Variants in SLC9C1 observed in about 807,000 individuals in gnomAD.
The protein encoded by SLC9C1 is solute carrier family 9 member C1.
In SLC9C1, 97 loss-of-function variants were observed where a neutral mutation model predicts 140.9. The ratio of observed to expected loss-of-function variants is 0.69; its 90% CI spans 0.58 to 0.82. The LOEUF (loss-of-function observed/expected upper bound fraction) is 0.82, where lower values mean the gene tolerates loss of function less well. SLC9C1 is among the 40% of genes least tolerant of loss of function. SLC9C1 has a pLI of 0.00. For synonymous variants in SLC9C1, 440 were observed against 442.6 expected (o/e 0.99, Z 0.07); for missense variants, 1,340 against 1,389.3 (o/e 0.96, Z 0.56).
At chr3:112,149,042 A>T (rs533354738) in intron 28 of SLC9C1, among the ~76,000 whole-genome samples, 37 of 152,228 alleles carry the variant, frequency 2.4e-4, no homozygotes, top group African/African-American at 8.2e-4. Flanking sequence ...AGATCTCTGC[A>T]CAGGAGGGGT....
intron 26 of SLC9C1, among the ~76,000 whole-genome samples, chr3:112,166,808 T>C (rs928638694): frequency 3.9e-5 from 6 of 152,296 alleles, no homozygotes; most frequent in Middle Eastern, 3.4e-3. Context: ...ATATATGTTA[T>C]GATTAAAGTT....
At chr3:112,145,254 ACAGTTATTGATTTGCTGGATGTTGAAC>A (rs1476613938) in intron 28 of SLC9C1, among the ~76,000 whole-genome samples, 1 of 100,716 alleles carries the variant, frequency 9.9e-6, no homozygotes, top group Non-Finnish European at 2.5e-5. Flanking sequence ...GTGGTGAACC[ACAGTTATTGATTTGCTGGATGTTGAAC>A]CAGTCTTGCA....
intron 16 of SLC9C1, among the ~76,000 whole-genome samples, chr3:112,207,172 A>C (rs1339659502): frequency 6.6e-6 from 1 of 152,202 alleles, no homozygotes; most frequent in Non-Finnish European, 1.5e-5. Context: ...TATTTCAAAA[A>C]AAGGTTTCTT....
intron 20 of SLC9C1, among the ~76,000 whole-genome samples, chr3:112,185,199 T>A (rs929198938): frequency 4.0e-5 from 6 of 151,868 alleles, no homozygotes; most frequent in Admixed American, 6.5e-5. Flanking sequence ...TATAAGGAGA[T>A]AGAGGCTGTC....
rs536615673 is a variant in SLC9C1, at chr3:112,174,571, G to A, written c.2919+4960C>T. Among the ~76,000 whole-genome samples the A allele has an allele frequency of 6.6e-5, 10 of 152,296 alleles. No individual in the cohort carries two copies. In the South Asian group the frequency reaches 1.5e-3, roughly 22 times the overall value. On this transcript the variant is annotated intron_variant, in intron 23 of 28. Transcript: ENST00000305815. The stretch of plus-strand genomic sequence containing the variant: ...TCTGTGCTACTACCAGTGAGTATGC[G>A]CAGTTGTGGATGGAGCAACTGTTCT...
chr3:112,251,750 G>A lies in SLC9C1; in HGVS notation c.1198-7674C>T, dbSNP rs2079464175. ...AGCCATTGTTGCCTTTAGTGCAGCTGCCCTGTGGAAGAGTAGCCAGCTTGC... is the reference window on the plus strand; with the variant it reads ...AGCCATTGTTGCCTTTAGTGCAGCTACCCTGTGGAAGAGTAGCCAGCTTGC... On this transcript the variant is annotated intron_variant, in intron 10 of 28. Coordinates refer to ENST00000305815, the MANE Select transcript of SLC9C1 (RefSeq NM_183061.3). Among the ~76,000 whole-genome samples, 3 of 151,982 alleles carry A rather than the reference G, an allele frequency of 2.0e-5. No homozygotes were observed. The South Asian group carries it at 6.2e-4, about 32-fold the overall frequency.
At chr3:112,210,867 CTTTA>C (rs1383885628) in intron 15 of SLC9C1, among the ~76,000 whole-genome samples, 1 of 151,978 alleles carries the variant, frequency 6.6e-6, no homozygotes, top group Admixed American at 6.6e-5. Context: ...GAAAAAAACC[CTTTA>C]TTTTTTTTAA....
chr3:112,190,001 A>T (rs1212166082), intron 20 of SLC9C1, among the ~76,000 whole-genome samples: 1 of 152,170 alleles, frequency 6.6e-6, no homozygotes, highest in Non-Finnish European at 1.5e-5. Context: ...AGCAATTGTG[A>T]ATGGGAGTTC....
At chr3:112,220,736 C>G (rs1488078759) in intron 14 of SLC9C1, among the ~76,000 whole-genome samples, 1 of 152,180 alleles carries the variant, frequency 6.6e-6, no homozygotes, top group African/African-American at 2.4e-5. Flanking sequence ...TGTTGAAGTA[C>G]TACCTGTGTA....
At chr3:112,167,454 G>A in intron 25 of SLC9C1, 107 bp from the exon 26 acceptor site, 2 of 1,097,480 alleles carry the variant, frequency 1.8e-6, no homozygotes, top group Non-Finnish European at 2.5e-6. Flanking sequence ...TGGGAAAAAT[G>A]GAAAATATTA....
In SLC9C1 at chr3:112,263,516, G is replaced by C. The variant is rs1358868749; in HGVS notation, c.1023-418C>G. 2.0e-4 allele frequency among the ~76,000 whole-genome samples: 19 copies of C among 96,400 alleles called. No individual in the cohort carries two copies. The Admixed American group carries it at 2.4e-3, about 12-fold the overall frequency. The allele number at this position is 96,400 out of a possible 152,430, so 63.2% of individuals were successfully genotyped here. The stretch of plus-strand genomic sequence containing the variant: ...TGCTGAATTGGTCCAATATTGGCCA[G>C]ATTTTTTTTTCCTTCAGTCATATAT... On this transcript the variant is annotated intron_variant, in intron 9 of 28. Transcript: ENST00000305815.
chr3:112,248,308 GTT>G (rs2079350653), intron 10 of SLC9C1, among the ~76,000 whole-genome samples: 1 of 152,030 alleles, frequency 6.6e-6, no homozygotes, highest in Admixed American at 6.6e-5. Context: ...TTAAATGCAA[GTT>G]TATGAGAGAA....
At chr3:112,269,297 A>G (rs1323821459) in intron 7 of SLC9C1, among the ~76,000 whole-genome samples, 1 of 152,116 alleles carries the variant, frequency 6.6e-6, no homozygotes, top group African/African-American at 2.4e-5. Context: ...TCTTGTAGAC[A>G]TGGGATCTCA....
At chr3:112,244,099 G>A (rs1347247005) in intron 10 of SLC9C1, 23 bp from the exon 11 acceptor site, 2 of 1,456,760 alleles carry the variant, frequency 1.4e-6, no homozygotes, top group South Asian at 1.2e-5. Flanking sequence ...AAAATACAAA[G>A]TAAGTATTCA....
chr3:112,172,468 C>A (rs4682086), intron 23 of SLC9C1, among the ~76,000 whole-genome samples: 70,721 of 151,774 alleles, frequency 0.47, 16,843 homozygotes, highest in East Asian at 0.64. Context: ...TAGAATCTTA[C>A]AAATGTAGAT....
intron 22 of SLC9C1, 113 bp downstream of exon 22, chr3:112,180,451 A>C (rs2077417765): frequency 1.5e-6 from 1 of 681,892 alleles, no homozygotes; most frequent in South Asian, 2.0e-5. Context: ...TGAACCCAGG[A>C]GGTGGAGGCT....
At chr3:112,258,529 G>A (rs753286724) in intron 10 of SLC9C1, among the ~76,000 whole-genome samples, 6 of 152,054 alleles carry the variant, frequency 3.9e-5, no homozygotes, top group Non-Finnish European at 7.4e-5. Context: ...CACCTTTAGG[G>A]TTCAAGAGAT....
intron 1 of SLC9C1, among the ~76,000 whole-genome samples, chr3:112,288,436 G>C (rs181455288): frequency 6.6e-6 from 1 of 152,214 alleles, no homozygotes; most frequent in African/African-American, 2.4e-5. Context: ...CATTCACAAA[G>C]CTTGTAACAT....
intron 2 of SLC9C1, 59 bp downstream of exon 2, chr3:112,286,645 G>GTAGCATTTAT (rs1239861539): frequency 3.6e-6 from 5 of 1,399,934 alleles, no homozygotes; most frequent in African/African-American, 2.9e-5. Context: ...ATTCTATATG[G>GTAGCATTTAT]TAGCATTTAT....
Sources: gnomAD v4.1 joint callset for allele counts (sites outside exome capture counted in the v4.1 genomes callset) on GRCh38, gnomAD v4.1.1 for gene constraint, MANE v1.5 for transcripts, NCBI Gene and HGNC (gene_info 2026-07-23, HGNC 2026-07-21) for gene names.